Variants in PPP2R5C observed in about 807,000 individuals in gnomAD.
PPP2R5C encodes the protein protein phosphatase 2 regulatory subunit B'gamma, also known as serine/threonine-protein phosphatase 2A 56 kDa regulatory subunit gamma isoform.
In PPP2R5C, 7 loss-of-function variants were observed where a neutral mutation model predicts 68.9. The observed-to-expected ratio is 0.10, with a 90% CI of 0.06 to 0.19. The LOEUF (loss-of-function observed/expected upper bound fraction) is 0.19. Among genes scored for constraint, PPP2R5C ranks in the 10% least tolerant of loss-of-function variants. The pLI, the probability that PPP2R5C is intolerant of heterozygous loss-of-function variation, is 1.00. For missense variants in PPP2R5C, 348 were observed against 641.3 expected, an observed-to-expected ratio of 0.54 and a Z score of 4.94; for synonymous variants, 210 against 222.2, an observed-to-expected ratio of 0.95 and a Z score of 0.49.
chr14:101,910,843 C>T lies in PPP2R5C; in HGVS notation c.1253+1153C>T, dbSNP rs925742722. Among the ~76,000 whole-genome samples the T allele has an allele frequency of 1.3e-5, 2 of 152,146 alleles. 1 individual carries two copies. The highest frequency in any genetic ancestry group is 1.3e-4 in the Admixed American group (2 of 15,274). ...AAAGGCCGGGCATGGTGGCTCATGC[C>T]TGTAATCCCAGCACTTTGGGAGGCC... is the stretch of plus-strand genomic sequence containing the variant. On this transcript the variant is annotated intron_variant, in intron 11 of 13. Transcript: ENST00000334743.
intron 1 of PPP2R5C, among the ~76,000 whole-genome samples, chr14:101,853,662 G>A (rs897489936): frequency 5.9e-5 from 9 of 152,128 alleles, no homozygotes; most frequent in Non-Finnish European, 1.3e-4. Context: ...CCCTGAAAAG[G>A]GTACATTTGG....
intron 2 of PPP2R5C, among the ~76,000 whole-genome samples, chr14:101,778,713 T>C (rs1253616056): frequency 6.6e-6 from 1 of 152,238 alleles, no homozygotes; most frequent in South Asian, 2.1e-4. Flanking sequence ...TCAATCTGTA[T>C]GTCTGTCCTT....
At position 101,825,810 on chromosome 14, in the gene PPP2R5C, G is replaced by A. The variant is rs544007987; in HGVS notation, c.94+15774G>A. Among the ~76,000 whole-genome samples, 47 of 152,298 alleles carry A rather than the reference G, an allele frequency of 3.1e-4. No homozygotes were observed. Among genetic ancestry groups the A allele is most frequent in the Non-Finnish European group, 5.4e-4 (37 of 68,036 alleles). On this transcript the variant is annotated intron_variant, in intron 1 of 13. Coordinates refer to ENST00000334743, the Ensembl canonical transcript of PPP2R5C. The surrounding 1 kb of genome is among the most constrained non-coding windows in gnomAD (Gnocchi z 4.0). ...GCAGAGGGGATTATCAGAAACTTCT[G>A]GGGCAGTAAGGGAAATTTAAGAAGG...
chr14:101,814,403 A>T lies in PPP2R5C; in HGVS notation c.94+4367A>T, dbSNP rs1333029342. 2.0e-5 allele frequency among the ~76,000 whole-genome samples: 3 copies of T among 152,184 alleles called. No individual in the cohort carries two copies. In the East Asian group the frequency reaches 5.8e-4, roughly 29 times the overall value. ...TTCCTGGTGGTGTGGAAGGTAACCA[A>T]AGTAACAGATAACTCTCTGAGGAAA... On this transcript the variant is annotated intron_variant, in intron 1 of 13. Coordinates refer to ENST00000334743, the Ensembl canonical transcript of PPP2R5C.
chr14:101,865,031 C>G (rs115663104), intron 2 of PPP2R5C, among the ~76,000 whole-genome samples: 1 of 152,022 alleles, frequency 6.6e-6, no homozygotes, highest in Non-Finnish European at 1.5e-5. Flanking sequence ...AAACACGATT[C>G]GGGGTGGATT....
intron 2 of PPP2R5C, among the ~76,000 whole-genome samples, chr14:101,870,040 CTTTTTTT>C (rs141433870): frequency 1.1e-4 from 6 of 53,120 alleles, no homozygotes; most frequent in African/African-American, 3.6e-4. Context: ...TTCAATTGGG[CTTTTTTT>C]TTTTTTTTTT....
chr14:101,783,532 G>A (rs1240803611), intron 2 of PPP2R5C, among the ~76,000 whole-genome samples: 1 of 151,866 alleles, frequency 6.6e-6, no homozygotes, highest in Admixed American at 6.5e-5. Context: ...CCTGACGAGA[G>A]AATGGAGTGG....
intron 1 of PPP2R5C, among the ~76,000 whole-genome samples, chr14:101,834,463 A>T (rs535087903): frequency 1.3e-5 from 2 of 152,386 alleles, no homozygotes; most frequent in South Asian, 4.1e-4. Context: ...CAAGGCCACC[A>T]GCAAGTTAAT....
rs577168523 is a variant in PPP2R5C, at chr14:101,896,657, T to C, written c.852+2097T>C. On this transcript the variant is annotated intron_variant, in intron 8 of 13. Transcript: ENST00000334743. ...TCTCCAAAAAAAAAAAAAAAAAAAG[T>C]GTATATCTTCTTTGCAGAAATGTCC... 1.3e-4 allele frequency among the ~76,000 whole-genome samples: 15 copies of C among 114,770 alleles called. No individual in the cohort carries two copies. The South Asian group carries it at 4.1e-3, about 31-fold the overall frequency. 75.3% of individuals were successfully genotyped at this position (114,770 alleles called of 152,430 possible). A position where few individuals can be genotyped will look rare whatever the true frequency, so the allele number is the denominator to read the frequency against.
chr14:101,893,154 C>T (rs1258031261), intron 7 of PPP2R5C, 46 bp downstream of exon 9: 3 of 1,300,846 alleles, frequency 2.3e-6, no homozygotes, highest in Non-Finnish European at 3.3e-6. Flanking sequence ...GGCATTTGAT[C>T]AGGATTGAAC....
At position 101,883,518 on chromosome 14, in the gene PPP2R5C, C is replaced by T. The variant is rs773806715; in HGVS notation, c.585C>T (p.Gly195=). 1.2e-6 allele frequency: 2 copies of T among 1,613,564 alleles called. No individual in the cohort carries two copies. The highest frequency in any genetic ancestry group is 3.3e-5 in the Admixed American group (2 of 60,000). ...ACAGAATCTATGGGAAATTCCTAGG[C>T]TTGAGAGCTTACATCAGAAAACAGA... Residue 195 remains glycine (G), a synonymous_variant, in exon 5 of 14, where the codon GGC becomes GGT. Transcript: ENST00000334743.
chr14:101,762,050 C>G (rs2036571528), intron 1 of PPP2R5C, 130 bp downstream of exon 1: 2 of 955,036 alleles, frequency 2.1e-6, no homozygotes, highest in South Asian at 5.0e-5. Context: ...TTCGCGTCCC[C>G]GAGGGCGGCC....
chr14:101,783,713 G>A (rs370918676), intron 2 of PPP2R5C, among the ~76,000 whole-genome samples: 11 of 152,188 alleles, frequency 7.2e-5, no homozygotes, highest in East Asian at 3.9e-4. Flanking sequence ...ACCTTCCAGC[G>A]GGGGTCAGAA....
intron 3 of PPP2R5C, among the ~76,000 whole-genome samples, chr14:101,790,816 C>G (rs932740945): frequency 5.9e-5 from 9 of 152,218 alleles, no homozygotes; most frequent in Admixed American, 5.2e-4. Flanking sequence ...CACCGTGGCT[C>G]ACGCCTGTAA....
At chr14:101,911,411 G>A (rs1190970959) in intron 11 of PPP2R5C, among the ~76,000 whole-genome samples, 1 of 152,200 alleles carries the variant, frequency 6.6e-6, no homozygotes, top group Non-Finnish European at 1.5e-5. Context: ...AGACAGACCA[G>A]CCATTCCTCT....
chr14:101,849,753 T>C (rs2140497800), intron 1 of PPP2R5C, among the ~76,000 whole-genome samples: 1 of 106,584 alleles, frequency 9.4e-6, no homozygotes. Flanking sequence ...CCTGTGTACC[T>C]AGTTGTCCCA....
At chr14:101,798,547 T>A (rs1257024718) in intron 3 of PPP2R5C, among the ~76,000 whole-genome samples, 2 of 152,168 alleles carry the variant, frequency 1.3e-5, no homozygotes, top group African/African-American at 4.8e-5. Flanking sequence ...ACGGGGAGAA[T>A]CATGAGTTCA....
Position 101,898,161 on chromosome 14 carries a change from A to T in PPP2R5C, c.853-3558A>T, listed in dbSNP as rs573078081. On this transcript the variant is annotated intron_variant, in intron 8 of 13. Coordinates refer to ENST00000334743, the Ensembl canonical transcript of PPP2R5C. Reference sequence around the variant, plus strand: ...GAGTGACAGAGTAAGACCCTGTCTCAAATAAATAAGTAAATACAAATGGAA... The same window carrying T: ...GAGTGACAGAGTAAGACCCTGTCTCTAATAAATAAGTAAATACAAATGGAA... Among the ~76,000 whole-genome samples, 52 of 152,330 alleles carry T rather than the reference A, an allele frequency of 3.4e-4. No individual in the cohort carries two copies. In the South Asian group the frequency reaches 0.011, roughly 31 times the overall value.
intron 7 of PPP2R5C, among the ~76,000 whole-genome samples, chr14:101,893,918 G>A (rs916757100): frequency 3.9e-5 from 6 of 152,262 alleles, no homozygotes; most frequent in Non-Finnish European, 7.4e-5. Context: ...GTTCACTTCC[G>A]GCTGTCACAG....
Sources: allele counts gnomAD v4.1 joint callset (sites outside exome capture counted in the v4.1 genomes callset), GRCh38; gene constraint gnomAD v4.1.1; non-coding constraint Gnocchi (gnomAD v3.1); transcripts MANE v1.5; gene names NCBI Gene and HGNC (gene_info 2026-07-23, HGNC 2026-07-21).